PBX3: variants seen among roughly 807,000 people sequenced by gnomAD.
The protein encoded by PBX3 is PBX homeobox 3.
PBX3 carries 14 observed loss-of-function variants against 48.5 expected under a neutral mutation model. The observed-to-expected ratio is 0.29, with a 90% CI of 0.19 to 0.45. The LOEUF is 0.45. Among genes scored for constraint, PBX3 ranks in the 20% least tolerant of loss-of-function variants. PBX3 has a pLI of 1.00. For synonymous variants in PBX3, 210 were observed against 200.3 expected (o/e 1.05, Z -0.41); for missense variants, 386 against 546.7 (o/e 0.71, Z 2.93).
chr9:125,934,755 T>G (rs912825258), intron 4 of PBX3, among the ~76,000 whole-genome samples: 1 of 152,026 alleles, frequency 6.6e-6, no homozygotes, highest in Non-Finnish European at 1.5e-5. Context: ...TCCCATTCAA[T>G]ACATCATCAG....
intron 1 of PBX3, chr9:125,748,331 G>C: frequency 2.4e-6 from 3 of 1,239,098 alleles, no homozygotes; most frequent in Non-Finnish European, 3.1e-6. Context: ...GCTGCCTGCC[G>C]GGCAGATGGG....
chr9:125,837,428 A>T lies in PBX3; in HGVS notation c.275-78258A>T, dbSNP rs138492498. Among the ~76,000 whole-genome samples, 1,181 of 150,494 alleles carry T rather than the reference A, an allele frequency of 7.8e-3. 5 individuals are homozygous for T. The highest frequency in any genetic ancestry group is 0.012 in the Non-Finnish European group (788 of 67,692). ...TTTATATATATAAAATATTTCCAGA[A>T]GAATACACAAGAAACATGATGCTAT... is the stretch of plus-strand genomic sequence containing the variant. On this transcript the variant is annotated intron_variant, in intron 2 of 8. Transcript: ENST00000373489.
intron 5 of PBX3, among the ~76,000 whole-genome samples, chr9:125,947,115 C>T (rs1193447372): frequency 2.0e-5 from 3 of 152,090 alleles, no homozygotes; most frequent in African/African-American, 7.2e-5. Context: ...GAAATAAAGA[C>T]ATTTTCAGTC....
intron 2 of PBX3, among the ~76,000 whole-genome samples, chr9:125,884,096 G>T (rs1290071220): frequency 6.6e-6 from 1 of 152,180 alleles, no homozygotes; most frequent in African/African-American, 2.4e-5. Flanking sequence ...AGGAAATTAA[G>T]CTGCAGCTGG....
intron 5 of PBX3, among the ~76,000 whole-genome samples, chr9:125,937,692 G>A (rs543793386): frequency 1.9e-4 from 29 of 152,268 alleles, no homozygotes; most frequent in Non-Finnish European, 2.8e-4. Context: ...ACAGGGTCTC[G>A]CTCTGTCACA....
At chr9:125,749,584 T>C (rs1402422675) in intron 2 of PBX3, 3 of 149,340 alleles carry the variant, frequency 2.0e-5, no homozygotes, top group Admixed American at 6.7e-5. Flanking sequence ...TTTTGGTGTG[T>C]GTTGGATGTA....
At chr9:125,751,931 A>C (rs910146218) in intron 2 of PBX3, among the ~76,000 whole-genome samples, 55 of 152,170 alleles carry the variant, frequency 3.6e-4, no homozygotes, top group African/African-American at 1.3e-3. Context: ...TCTTCTTTCC[A>C]AAGCCCTTAA....
At chr9:125,954,129 G>T (rs560491130) in intron 5 of PBX3, among the ~76,000 whole-genome samples, 6 of 152,260 alleles carry the variant, frequency 3.9e-5, no homozygotes, top group African/African-American at 1.4e-4. Flanking sequence ...AGACCCTCTT[G>T]GGTGCCCAAC....
intron 2 of PBX3, among the ~76,000 whole-genome samples, chr9:125,793,193 A>G (rs1199645867): frequency 2.0e-5 from 3 of 150,418 alleles, no homozygotes; most frequent in Non-Finnish European, 3.0e-5. Flanking sequence ...TCTACTAAAA[A>G]TACAAAAAAT....
At chr9:125,780,138 C>T (rs1837216765) in intron 2 of PBX3, among the ~76,000 whole-genome samples, 1 of 135,408 alleles carries the variant, frequency 7.4e-6, no homozygotes. Context: ...GTAGGGGCGG[C>T]CGGGCAGAGG....
At chr9:125,800,258 C>T (rs375564441) in intron 2 of PBX3, among the ~76,000 whole-genome samples, 1 of 152,056 alleles carries the variant, frequency 6.6e-6, no homozygotes. Context: ...TTGTATATAT[C>T]AATAATGAGC....
chr9:125,965,971 C>A lies in PBX3; in HGVS notation c.*48C>A. 1.5e-6 allele frequency: 2 copies of A among 1,378,830 alleles called. No individual in the cohort carries two copies. The highest frequency in any genetic ancestry group is 2.1e-6 in the Non-Finnish European group (2 of 968,000). The allele number at this position is 1,378,830 out of a possible 1,614,324, so 85.4% of individuals were successfully genotyped here. A position where few individuals can be genotyped will look rare whatever the true frequency, so the allele number is the denominator to read the frequency against. On this transcript the variant is annotated 3_prime_UTR_variant, in exon 9 of 9. Coordinates refer to ENST00000373489, the MANE Select transcript of PBX3 (RefSeq NM_006195.6). Reference sequence around the variant, plus strand: ...AGCTACATGCCTTGATAAGTGCATTCAGAGCAATAGGAGGAAAAGGAAAGC... The same window carrying A: ...AGCTACATGCCTTGATAAGTGCATTAAGAGCAATAGGAGGAAAAGGAAAGC...
intron 2 of PBX3, among the ~76,000 whole-genome samples, chr9:125,787,725 G>C (rs1210058886): frequency 1.3e-5 from 2 of 152,150 alleles, no homozygotes; most frequent in African/African-American, 4.8e-5. Flanking sequence ...AGGGATTTTA[G>C]GATTGTTTGG....
intron 2 of PBX3, among the ~76,000 whole-genome samples, chr9:125,898,056 T>A (rs969000048): frequency 3.3e-5 from 5 of 151,804 alleles, no homozygotes; most frequent in Admixed American, 6.6e-5. Context: ...AAGTCAACAG[T>A]AAATAATTAT....
At chr9:125,873,853 A>G (rs1323523164) in intron 2 of PBX3, among the ~76,000 whole-genome samples, 1 of 152,178 alleles carries the variant, frequency 6.6e-6, no homozygotes, top group Admixed American at 6.5e-5. Context: ...AGTTAAAGAA[A>G]AAGAAAACAA....
At chr9:125,910,611 C>G (rs1433754531) in intron 2 of PBX3, among the ~76,000 whole-genome samples, 6 of 151,642 alleles carry the variant, frequency 4.0e-5, no homozygotes, top group Non-Finnish European at 8.8e-5. Context: ...CGTGCACACA[C>G]CACACAGTCA....
At chr9:125,819,065 G>C (rs144970027) in intron 2 of PBX3, among the ~76,000 whole-genome samples, 2,296 of 149,310 alleles carry the variant, frequency 0.015, 28 homozygotes, top group South Asian at 0.039. Flanking sequence ...CGAACTCCTG[G>C]CTTCAAGTGA....
chr9:125,780,092 G>A (rs1338984730), intron 2 of PBX3, among the ~76,000 whole-genome samples: 1 of 136,624 alleles, frequency 7.3e-6, no homozygotes, highest in African/African-American at 2.7e-5. Flanking sequence ...TCCCGGACGG[G>A]GCGGCTGGCT....
chr9:125,815,626 CTCT>C, intron 2 of PBX3, among the ~76,000 whole-genome samples: 1 of 151,946 alleles, frequency 6.6e-6, no homozygotes, highest in Non-Finnish European at 1.5e-5. Context: ...TTGATATTAC[CTCT>C]TAATTATTTT....
Sources: allele counts gnomAD v4.1 joint callset (sites outside exome capture counted in the v4.1 genomes callset), GRCh38; gene constraint gnomAD v4.1.1; transcripts MANE v1.5; gene names NCBI Gene and HGNC (gene_info 2026-07-23, HGNC 2026-07-21).